MYPN: variants seen among roughly 807,000 people sequenced by gnomAD.
MYPN encodes the protein myopalladin.
Under a neutral mutation model 129.4 loss-of-function variants are expected in MYPN, and 63 were observed. The ratio of observed to expected loss-of-function variants is 0.49; its 90% CI spans 0.40 to 0.60. The LOEUF is 0.60. Ranked by LOEUF, MYPN falls within the 20% of genes least tolerant of loss-of-function variation. The pLI, the probability that MYPN is intolerant of heterozygous loss-of-function variation, is 0.00. For synonymous variants in MYPN, 629 were observed against 600.9 expected, an observed-to-expected ratio of 1.05 and a Z score of -0.68; for missense variants, 1,596 against 1,635.4, an observed-to-expected ratio of 0.98 and a Z score of 0.42.
intron 10 of MYPN, among the ~76,000 whole-genome samples, chr10:68,169,983 C>T (rs1021427563): frequency 6.6e-6 from 1 of 152,074 alleles, no homozygotes. Context: ...TGTGATCTAC[C>T]CACCTTGGCC....
At chr10:68,102,227 C>T (rs775245650), upstream of MYPN, among the ~76,000 whole-genome samples, 5 of 150,610 alleles carry the variant, frequency 3.3e-5, no homozygotes, top group East Asian at 2.0e-4. Context: ...CTCCCAGGCT[C>T]GATCCTCCTG....
chr10:68,171,462 C>A (rs2043143923), intron 10 of MYPN, among the ~76,000 whole-genome samples: 1 of 152,152 alleles, frequency 6.6e-6, no homozygotes, highest in Admixed American at 6.5e-5. Flanking sequence ...CCTACACCTG[C>A]CGAATGAGAA....
intron 1 of MYPN, among the ~76,000 whole-genome samples, chr10:68,121,092 A>C (rs2042234345): frequency 6.6e-6 from 1 of 152,200 alleles, no homozygotes; most frequent in African/African-American, 2.4e-5. Context: ...CAGCCTGGGC[A>C]ACAGGCAAAA....
intron 4 of MYPN, among the ~76,000 whole-genome samples, chr10:68,146,930 G>A (rs1013938316): frequency 6.6e-6 from 1 of 152,124 alleles, no homozygotes; most frequent in Admixed American, 6.5e-5. Context: ...AGATGCTTTG[G>A]ATACACGGAT....
intron 1 of MYPN, among the ~76,000 whole-genome samples, chr10:68,095,002 A>T (rs1403788430): frequency 1.3e-5 from 2 of 152,184 alleles, no homozygotes; most frequent in Non-Finnish European, 2.9e-5. Flanking sequence ...CGGAGGTTGC[A>T]GTGAGCCAAG....
chr10:68,174,690 C>A, intron 11 of MYPN, 34 bp downstream of exon 11: 1 of 1,595,396 alleles, frequency 6.3e-7, no homozygotes, highest in Non-Finnish European at 8.6e-7. Flanking sequence ...ATGTAAGATG[C>A]TAGTTAAGAG....
Position 68,121,904 on chromosome 10 carries a change from G to T in MYPN, c.466G>T (p.Asp156Tyr), listed in dbSNP as rs1279871963. ...AAAAGTATTTTTAAATAAGGCTGCC[G>T]ACTTCATTGAAGAGCTATCCTCCCT... Reference protein sequence around the residue: ...SKKVFLNKAADFIEELSSLFK... With the variant: ...SKKVFLNKAAYFIEELSSLFK... Residue 156 changes from aspartate (D) to tyrosine (Y), a missense_variant, in exon 2 of 20, where the codon GAC becomes TAC. By Grantham distance (160) the Asp-to-Tyr change is radical (BLOSUM62 -3). Coordinates refer to ENST00000358913, the MANE Select transcript of MYPN (RefSeq NM_032578.4). 2 of 1,614,118 alleles carry T rather than the reference G, an allele frequency of 1.2e-6. No homozygotes were observed. Among genetic ancestry groups the T allele is most frequent in the Non-Finnish European group, 8.5e-7 (1 of 1,180,036 alleles).
At chr10:68,094,769 T>C (rs1030617848) in intron 1 of MYPN, among the ~76,000 whole-genome samples, 10 of 152,080 alleles carry the variant, frequency 6.6e-5, no homozygotes, top group African/African-American at 2.4e-4. Context: ...GTGTAAAATA[T>C]AAAGCATGGG....
Position 68,211,599 on chromosome 10 carries a change from C to T in MYPN, c.*1144C>T, listed in dbSNP as rs1246619121. 1.1e-5 allele frequency: 5 copies of T among 454,072 alleles called. 1 individual carries two copies. The highest frequency in any genetic ancestry group is 7.8e-5 in the South Asian group (5 of 64,476). 28.1% of individuals were successfully genotyped at this position (454,072 alleles called of 1,614,324 possible). A position where few individuals can be genotyped will look rare whatever the true frequency, so the allele number is the denominator to read the frequency against. On this transcript the variant is annotated 3_prime_UTR_variant, in exon 20 of 20. Transcript: ENST00000358913. ...ATTCTAATCACCAATTCAAACCCTG[C>T]CTCTTAAGGAATTTTTAGACTTAAG...
chr10:68,178,433 G>A (rs941664222), intron 12 of MYPN, among the ~76,000 whole-genome samples: 8 of 151,798 alleles, frequency 5.3e-5, no homozygotes, highest in East Asian at 3.9e-4. Flanking sequence ...CCAGGATCAC[G>A]GCCGGGCATG....
intron 4 of MYPN, among the ~76,000 whole-genome samples, chr10:68,145,807 T>C (rs2042656488): frequency 6.6e-6 from 1 of 152,212 alleles, no homozygotes; most frequent in African/African-American, 2.4e-5. Context: ...ATGCCTACCT[T>C]GAAATGATAA....
At position 68,193,259 on chromosome 10, in the gene MYPN, A is replaced by G. The variant is rs559893091; in HGVS notation, c.2926-1104A>G. Among the ~76,000 whole-genome samples, 9 of 152,216 alleles carry G rather than the reference A, an allele frequency of 5.9e-5. No homozygotes were observed. In the East Asian group the frequency reaches 1.7e-3, roughly 29 times the overall value. On this transcript the variant is annotated intron_variant, in intron 13 of 19. Coordinates refer to ENST00000358913, the MANE Select transcript of MYPN (RefSeq NM_032578.4). ...CCAGAAAATTAGCAAAGCCCAGATA[A>G]TTTCACTTAAAAAAAAACCCCATCA...
chr10:68,109,786 G>A (rs993298803), intron 1 of MYPN, 63 bp downstream of exon 1: 2 of 412,414 alleles, frequency 4.8e-6, no homozygotes, highest in Middle Eastern at 7.9e-4. Context: ...GTGGAAAAGC[G>A]AATATTTCAA....
Position 68,206,914 on chromosome 10 carries a change from T to G in MYPN, c.3793+11T>G. 1 of 1,614,120 alleles carries G rather than the reference T, an allele frequency of 6.2e-7. No individual in the cohort carries two copies. Among genetic ancestry groups the G allele is most frequent in the African/African-American group, 1.3e-5 (1 of 75,036 alleles). ...GGCTGGATATATACGGTAAGTGTAA[T>G]GCTGTTAGTTGAACATCTGTATGCA... is the stretch of plus-strand genomic sequence containing the variant. On this transcript the variant is annotated intron_variant, in intron 19 of 19. Transcript: ENST00000358913.
At chr10:68,165,190 C>T (rs189790766) in intron 8 of MYPN, among the ~76,000 whole-genome samples, 259 of 152,222 alleles carry the variant, frequency 1.7e-3, no homozygotes, top group African/African-American at 5.7e-3. Context: ...TGGGGGCTCA[C>T]GCCTGTAATC....
intron 2 of MYPN, among the ~76,000 whole-genome samples, chr10:68,130,085 A>T (rs893006726): frequency 2.0e-5 from 3 of 152,104 alleles, no homozygotes; most frequent in Non-Finnish European, 4.4e-5. Context: ...CTCTTGTTTT[A>T]TGAAGGGCCT....
intron 1 of MYPN, among the ~76,000 whole-genome samples, chr10:68,118,955 T>C (rs1025783434): frequency 2.0e-5 from 3 of 151,256 alleles, no homozygotes; most frequent in Non-Finnish European, 4.4e-5. Context: ...TAAACAGTAA[T>C]GTCCAATGAA....
chr10:68,123,082 A>G (rs576952153), intron 2 of MYPN, among the ~76,000 whole-genome samples: 117 of 151,934 alleles, frequency 7.7e-4, no homozygotes, highest in Non-Finnish European at 1.3e-3. Context: ...AGGGAATACA[A>G]CCTTCATTTT....
At position 68,160,077 on chromosome 10, in the gene MYPN, G is replaced by A. The variant is rs1056095934; in HGVS notation, c.1459+1450G>A. On this transcript the variant is annotated intron_variant, in intron 7 of 19. Coordinates refer to ENST00000358913, the MANE Select transcript of MYPN (RefSeq NM_032578.4). Reference sequence around the variant, plus strand: ...TCAGAGCTACTCTCAGGTTTTATTGGTAGTAGCAGCAACAATAATATATTC... The same window carrying A: ...TCAGAGCTACTCTCAGGTTTTATTGATAGTAGCAGCAACAATAATATATTC... 1.3e-4 allele frequency among the ~76,000 whole-genome samples: 20 copies of A among 152,102 alleles called. No individual in the cohort carries two copies. The South Asian group carries it at 2.7e-3, about 21-fold the overall frequency.
Sources: allele counts gnomAD v4.1 joint callset (sites outside exome capture counted in the v4.1 genomes callset), GRCh38; gene constraint gnomAD v4.1.1; transcripts MANE v1.5; gene names NCBI Gene and HGNC (gene_info 2026-07-23, HGNC 2026-07-21).